TRPM6: variants seen among roughly 807,000 people sequenced by gnomAD.
TRPM6 encodes channel kinase 2.
In TRPM6, 111 loss-of-function variants were observed where a neutral mutation model predicts 247.6. The ratio of observed to expected loss-of-function variants is 0.45; its 90% CI spans 0.38 to 0.52. The LOEUF (loss-of-function observed/expected upper bound fraction) is 0.52. Among genes scored for constraint, TRPM6 ranks in the 20% least tolerant of loss-of-function variants. The pLI, the probability that TRPM6 is intolerant of heterozygous loss-of-function variation, is 0.00. For synonymous variants in TRPM6, 892 were observed against 853.8 expected (o/e 1.04, Z -0.78); for missense variants, 2,126 against 2,421.5 (o/e 0.88, Z 2.56).
At chr9:74,830,762 T>G (rs370381566) in intron 6 of TRPM6, among the ~76,000 whole-genome samples, 22,157 of 134,426 alleles carry the variant, frequency 0.16, 1,783 homozygotes, top group South Asian at 0.25. Context: ...TTTTTTTTTT[T>G]TTTTTTTTTT....
chr9:74,726,412 A>G (rs899668797), intron 38 of TRPM6, among the ~76,000 whole-genome samples: 4 of 152,164 alleles, frequency 2.6e-5, no homozygotes, highest in African/African-American at 9.7e-5. Context: ...AGGGAGGCTG[A>G]GGCAGGAGAA....
intron 3 of TRPM6, among the ~76,000 whole-genome samples, chr9:74,852,561 G>A (rs1329809321): frequency 1.3e-5 from 2 of 151,926 alleles, no homozygotes; most frequent in Non-Finnish European, 2.9e-5. Flanking sequence ...GGACTGTGCC[G>A]CCACCATCTC....
rs1826215594 is a variant in TRPM6, at chr9:74,750,709, T to A, written c.5012A>T (p.Asn1671Ile). ...LKQSQEDLSK[N>I]SLWNSRSTNL... Reference sequence around the variant, plus strand: ...GGTGCTCCTGGAATTCCACAAAGAGTTTTTGCTGAGATCCTGAGCAGAAGG... The same window carrying A: ...GGTGCTCCTGGAATTCCACAAAGAGATTTTGCTGAGATCCTGAGCAGAAGG... The change falls in exon 30 of 39, where the codon AAC becomes ATC. Residue 1671 changes from asparagine to isoleucine, a missense_variant. Asn to Ile is a moderately radical substitution (Grantham distance 149). This residue lies in a region of TRPM6 where 717 missense variants were observed against 715.9 expected (regional missense o/e 1.00). Transcript: ENST00000360774. The A allele has an allele frequency of 6.2e-7, 1 of 1,613,410 alleles. No individual in the cohort carries two copies. The highest frequency in any genetic ancestry group is 1.1e-5 in the South Asian group (1 of 91,068).
At chr9:74,851,793 T>G (rs536650675) in intron 3 of TRPM6, among the ~76,000 whole-genome samples, 139 of 139,430 alleles carry the variant, frequency 1.0e-3, no homozygotes, top group African/African-American at 3.3e-3. Flanking sequence ...ATATATATAA[T>G]ATATATATTA....
At chr9:74,821,536 A>G in intron 8 of TRPM6, 133 bp downstream of exon 8, 1 of 1,063,556 alleles carries the variant, frequency 9.4e-7, no homozygotes, top group Non-Finnish European at 1.4e-6. Context: ...AAACACAGTC[A>G]CTGAGAAATG....
At chr9:74,871,208 GTA>G (rs35669636) in intron 1 of TRPM6, among the ~76,000 whole-genome samples, 47,264 of 151,824 alleles carry the variant, frequency 0.31, 8,402 homozygotes, top group East Asian at 0.51. Flanking sequence ...ATTGCAAATG[GTA>G]TAAAATCCGG....
Position 74,775,735 on chromosome 9 carries a change from C to T in TRPM6, c.3403+148G>A, listed in dbSNP as rs73650070. The T allele has an allele frequency of 0.016, 12,935 of 828,846 alleles. 955 individuals carry two copies. In the African/African-American group the frequency reaches 0.17, roughly 11 times the overall value. 51.3% of individuals were successfully genotyped at this position (828,846 alleles called of 1,614,324 possible). A position where few individuals can be genotyped will look rare whatever the true frequency, so the allele number is the denominator to read the frequency against. On this transcript the variant is annotated intron_variant, in intron 24 of 38. Coordinates refer to ENST00000360774, the MANE Select transcript of TRPM6 (RefSeq NM_017662.5). ...TCATAATGAGGTCAATATATTTACT[C>T]AGACCCAGAGCATCAGCTGATATTC...
intron 31 of TRPM6, among the ~76,000 whole-genome samples, chr9:74,744,948 G>A (rs1389076752): frequency 2.6e-5 from 4 of 152,114 alleles, no homozygotes; most frequent in Non-Finnish European, 4.4e-5. Flanking sequence ...CAAAAAGTAA[G>A]ATCAGCAGAA....
intron 29 of TRPM6, among the ~76,000 whole-genome samples, chr9:74,751,340 A>T (rs1826237290): frequency 6.6e-6 from 1 of 152,188 alleles, no homozygotes; most frequent in South Asian, 2.1e-4. Context: ...CACTTTAGAG[A>T]TACAGGTAAT....
intron 14 of TRPM6, 24 bp downstream of exon 14, chr9:74,808,010 T>C (rs756435337): frequency 1.9e-6 from 3 of 1,613,622 alleles, no homozygotes; most frequent in South Asian, 2.2e-5. Context: ...TCAATTTTAC[T>C]TGGGCACTTT....
At chr9:74,774,109 T>C (rs745378206) in intron 24 of TRPM6, among the ~76,000 whole-genome samples, 4 of 152,208 alleles carry the variant, frequency 2.6e-5, no homozygotes, top group Non-Finnish European at 5.9e-5. Flanking sequence ...TAAATGTCTT[T>C]ATCCTCAATA....
chr9:74,825,233 G>A (rs1829290151), intron 7 of TRPM6, among the ~76,000 whole-genome samples: 1 of 152,152 alleles, frequency 6.6e-6, no homozygotes, highest in Non-Finnish European at 1.5e-5. Context: ...TTGCACTCCA[G>A]CCTGGGTGAC....
chr9:74,806,898 G>A (rs938269266), intron 14 of TRPM6, among the ~76,000 whole-genome samples: 10 of 152,250 alleles, frequency 6.6e-5, no homozygotes, highest in African/African-American at 9.6e-5. Flanking sequence ...GGGTGACTTC[G>A]TACTGGCAGG....
intron 1 of TRPM6, among the ~76,000 whole-genome samples, chr9:74,870,340 G>A (rs974579616): frequency 8.0e-5 from 12 of 150,076 alleles, no homozygotes; most frequent in African/African-American, 2.2e-4. Flanking sequence ...CTTTGAATAC[G>A]TGGGTCTGCA....
intron 31 of TRPM6, 105 bp from the exon 32 acceptor site, chr9:74,744,250 T>G: frequency 7.9e-7 from 1 of 1,263,328 alleles, no homozygotes; most frequent in Non-Finnish European, 1.2e-6. Flanking sequence ...TTAATCAGAA[T>G]GGCTTCTCAG....
intron 3 of TRPM6, 95 bp from the exon 4 acceptor site, chr9:74,842,438 C>T: frequency 7.8e-7 from 1 of 1,275,580 alleles, no homozygotes; most frequent in South Asian, 1.2e-5. Context: ...ATGCCATATA[C>T]TATTTCTTAA....
At chr9:74,809,374 T>G (rs969361241) in intron 13 of TRPM6, among the ~76,000 whole-genome samples, 1 of 152,214 alleles carries the variant, frequency 6.6e-6, no homozygotes, top group African/African-American at 2.4e-5. Context: ...GCACACAGAG[T>G]GTTGAACAAG....
intron 23 of TRPM6, among the ~76,000 whole-genome samples, chr9:74,780,982 T>G (rs1482277973): frequency 6.6e-6 from 1 of 152,038 alleles, no homozygotes; most frequent in African/African-American, 2.4e-5. Flanking sequence ...AGTTTGGGTA[T>G]TTTAAATTTT....
chr9:74,785,673 C>T (rs1279566494), intron 21 of TRPM6, among the ~76,000 whole-genome samples: 2 of 152,164 alleles, frequency 1.3e-5, no homozygotes, highest in African/African-American at 4.8e-5. Flanking sequence ...CAGGTGCCCA[C>T]CACCATGCCC....
Sources: allele counts gnomAD v4.1 joint callset (sites outside exome capture counted in the v4.1 genomes callset), GRCh38; gene constraint gnomAD v4.1.1; regional missense constraint gnomAD v4.1.1; transcripts MANE v1.5; gene names NCBI Gene and HGNC (gene_info 2026-07-23, HGNC 2026-07-21).